SPON1: variants seen among roughly 807,000 people sequenced by gnomAD.
SPON1 encodes the protein spondin 1, also known as spondin-1.
Under a neutral mutation model 111.7 loss-of-function variants are expected in SPON1, and 52 were observed. The observed-to-expected ratio is 0.47, with a 90% CI of 0.37 to 0.59. The LOEUF (loss-of-function observed/expected upper bound fraction) is 0.59. SPON1 is among the 20% of genes least tolerant of loss of function. The probability of loss-of-function intolerance (pLI) is 0.00; values close to 1 mark genes in which losing one functional copy is unlikely to be tolerated. For synonymous variants in SPON1, 410 were observed against 395.8 expected (o/e 1.04, Z -0.43); for missense variants, 957 against 1,068.5 (o/e 0.90, Z 1.46).
At chr11:14,097,508 T>G (rs547337189) in intron 5 of SPON1, among the ~76,000 whole-genome samples, 9 of 152,354 alleles carry the variant, frequency 5.9e-5, no homozygotes, top group African/African-American at 2.2e-4. Context: ...AGGTTATAAT[T>G]AGTGTACAAA....
intron 2 of SPON1, among the ~76,000 whole-genome samples, chr11:14,000,642 C>T (rs1347616323): frequency 1.1e-4 from 17 of 151,938 alleles, no homozygotes; most frequent in African/African-American, 3.6e-4. Flanking sequence ...TTCTGGCCCC[C>T]ACCCTCAGCC....
At chr11:14,211,771 C>G (rs1848579430) in intron 6 of SPON1, among the ~76,000 whole-genome samples, 1 of 152,080 alleles carries the variant, frequency 6.6e-6, no homozygotes, top group Non-Finnish European at 1.5e-5. Context: ...AATTTTAATA[C>G]CAAACTGTCC....
At chr11:14,074,690 G>A (rs1848903266) in intron 3 of SPON1, among the ~76,000 whole-genome samples, 1 of 152,186 alleles carries the variant, frequency 6.6e-6, no homozygotes, top group Non-Finnish European at 1.5e-5. Context: ...AAGCATGTCT[G>A]TGCAATCCCA....
intron 5 of SPON1, among the ~76,000 whole-genome samples, chr11:14,129,365 C>T (rs1421112874): frequency 1.3e-5 from 2 of 152,188 alleles, no homozygotes; most frequent in Non-Finnish European, 2.9e-5. Context: ...CATAAATCCT[C>T]TCTTTCAAGT....
intron 6 of SPON1, among the ~76,000 whole-genome samples, chr11:14,184,078 A>G (rs1848262597): frequency 6.6e-6 from 1 of 152,174 alleles, no homozygotes; most frequent in African/African-American, 2.4e-5. Context: ...CACGGCCCAG[A>G]ACTCAAACAT....
Position 14,267,043 on chromosome 11 carries a change from T to G in SPON1, c.*1356T>G, listed in dbSNP as rs1849278982. 1 of 152,270 alleles carries G rather than the reference T, an allele frequency of 6.6e-6. No homozygotes were observed. The highest frequency in any genetic ancestry group is 1.5e-5 in the Non-Finnish European group (1 of 68,050). The allele number at this position is 152,270 out of a possible 1,614,324, so 9.4% of individuals were successfully genotyped here. On this transcript the variant is annotated 3_prime_UTR_variant, in exon 16 of 16. Coordinates refer to ENST00000576479, the MANE Select transcript of SPON1 (RefSeq NM_006108.4). ...TGTTTCATTTCTTCTTTTATAGGCCTTATTACTGCTTAATCCAAATGTGTA... is the reference window on the plus strand; with the variant it reads ...TGTTTCATTTCTTCTTTTATAGGCCGTATTACTGCTTAATCCAAATGTGTA...
At position 14,265,701 on chromosome 11, in the gene SPON1, T is replaced by TC. The variant is rs1849258190; in HGVS notation, c.*18dup. 1.2e-6 allele frequency: 2 copies of TC among 1,611,488 alleles called. No individual in the cohort carries two copies. Among genetic ancestry groups the TC allele is most frequent in the South Asian group, 2.2e-5 (2 of 90,400 alleles). On this transcript the variant is annotated 3_prime_UTR_variant, in exon 16 of 16. Transcript: ENST00000576479. ...CATCCTTGTTAGCAAGGGTACGAGT[T>TC]CCCCAGGGCTGCACTCTAGATTCCA...
At chr11:14,127,991 C>T (rs182673450) in intron 5 of SPON1, among the ~76,000 whole-genome samples, 6 of 152,270 alleles carry the variant, frequency 3.9e-5, no homozygotes, top group Admixed American at 2.0e-4. Context: ...AGGGATATCA[C>T]CCCCATGATC....
chr11:13,991,754 G>A lies in SPON1; in HGVS notation c.345+8801G>A, dbSNP rs888332565. Among the ~76,000 whole-genome samples, 69 of 152,154 alleles carry A rather than the reference G, an allele frequency of 4.5e-4. 1 individual carries two copies. The highest frequency in any genetic ancestry group is 1.4e-3 in the African/African-American group (59 of 41,550). On this transcript the variant is annotated intron_variant, in intron 2 of 15. Transcript: ENST00000576479. ...CTTTGATGTTGGTGACCTTCTGATG[G>A]GGTCTTTGAGTGGACGTGCTATTCC...
Position 14,029,569 on chromosome 11 carries a change from G to T in SPON1, c.346-11952G>T, listed in dbSNP as rs140130303. Among the ~76,000 whole-genome samples, 326 of 152,164 alleles carry T rather than the reference G, an allele frequency of 2.1e-3. 2 individuals are homozygous for T. The highest frequency in any genetic ancestry group is 7.5e-3 in the African/African-American group (310 of 41,520). ...AGAGAGTCCTCCTATCAGGTTTCCC[G>T]CCTCACACGTTGAATCCCAGGTCAC... is the stretch of plus-strand genomic sequence containing the variant. On this transcript the variant is annotated intron_variant, in intron 2 of 15. Coordinates refer to ENST00000576479, the MANE Select transcript of SPON1 (RefSeq NM_006108.4).
chr11:13,984,878 G>T (rs12271585), intron 2 of SPON1, among the ~76,000 whole-genome samples: 7,022 of 152,234 alleles, frequency 0.046, 530 homozygotes, highest in African/African-American at 0.16. Context: ...CTAGTGTCCA[G>T]ACCTCAGTCC....
intron 1 of SPON1, among the ~76,000 whole-genome samples, chr11:13,969,215 C>CAAAAAAAAAA (rs3047401): frequency 7.5e-5 from 8 of 106,944 alleles, no homozygotes; most frequent in East Asian, 3.1e-4. Flanking sequence ...CCCATCTCTA[C>CAAAAAAAAAA]AAAAAAAAAA....
intron 3 of SPON1, among the ~76,000 whole-genome samples, chr11:14,045,345 G>C (rs1256416206): frequency 6.6e-6 from 1 of 152,166 alleles, no homozygotes; most frequent in African/African-American, 2.4e-5. Context: ...CGAGCCGAGA[G>C]GGGGGCAGAT....
chr11:14,111,914 C>A (rs778935543), intron 5 of SPON1, among the ~76,000 whole-genome samples: 26 of 151,270 alleles, frequency 1.7e-4, no homozygotes, highest in Admixed American at 3.3e-4. Flanking sequence ...ACAAATTGAC[C>A]AAGGAGCACA....
intron 6 of SPON1, among the ~76,000 whole-genome samples, chr11:14,211,495 G>A (rs10741641): frequency 0.12 from 18,965 of 152,024 alleles, 1,379 homozygotes; most frequent in South Asian, 0.23. Flanking sequence ...ACAAACAAGT[G>A]GAAAAACATT....
chr11:14,256,449 T>C (rs1442778379), intron 9 of SPON1, among the ~76,000 whole-genome samples, 168 bp from the exon 10 acceptor site: 1 of 152,214 alleles, frequency 6.6e-6, no homozygotes, highest in Non-Finnish European at 1.5e-5. Context: ...CATTCCTGCT[T>C]TCTTGGCATT....
intron 1 of SPON1, among the ~76,000 whole-genome samples, chr11:13,967,558 AAC>A (rs1591334959): frequency 6.6e-6 from 1 of 152,052 alleles, no homozygotes; most frequent in East Asian, 1.9e-4. Flanking sequence ...AAAAAGAAAA[AAC>A]AGATTTGACT....
At chr11:14,077,666 A>C (rs1166954846) in intron 4 of SPON1, among the ~76,000 whole-genome samples, 1 of 151,814 alleles carries the variant, frequency 6.6e-6, no homozygotes, top group Non-Finnish European at 1.5e-5. Context: ...CACAAGTAAG[A>C]TCTAAATAGA....
intron 5 of SPON1, among the ~76,000 whole-genome samples, chr11:14,094,449 C>T (rs1398827132): frequency 6.6e-6 from 1 of 152,038 alleles, no homozygotes; most frequent in African/African-American, 2.4e-5. Flanking sequence ...GCCTTCTCAG[C>T]ATTCAATTAA....
Sources: allele counts gnomAD v4.1 joint callset (sites outside exome capture counted in the v4.1 genomes callset), GRCh38; gene constraint gnomAD v4.1.1; transcripts MANE v1.5; gene names NCBI Gene and HGNC (gene_info 2026-07-23, HGNC 2026-07-21).